Variants in SIX4 observed in about 807,000 individuals in gnomAD.
SIX4 encodes the protein SIX homeobox 4.
Under a neutral mutation model 51.5 loss-of-function variants are expected in SIX4, and 23 were observed. That is an observed-to-expected ratio of 0.45 (90% CI 0.32 to 0.63). SIX4 has a LOEUF of 0.63. Ranked by LOEUF, SIX4 falls within the 30% of genes least tolerant of loss-of-function variation. The pLI, the probability that SIX4 is intolerant of heterozygous loss-of-function variation, is 0.04. For missense variants in SIX4, 867 were observed against 984.0 expected, an observed-to-expected ratio of 0.88 and a Z score of 1.59; for synonymous variants, 413 against 417.3, an observed-to-expected ratio of 0.99 and a Z score of 0.13.
rs926349330 is a variant in SIX4 at position 60,722,085 on chromosome 14, C to T, written c.863+1127G>A. ...TCACCTGGCGCAGGCGGGCTGGATC[C>T]CCGGCTCCCAGTTTGCTTCCCCGAG... On this transcript the variant is annotated intron_variant, in intron 1 of 2. Coordinates refer to ENST00000216513, the MANE Select transcript of SIX4 (RefSeq NM_017420.5). The surrounding 1 kb of genome is among the most constrained non-coding windows in gnomAD (Gnocchi z 5.9). Among the ~76,000 whole-genome samples the T allele has an allele frequency of 1.3e-5, 2 of 152,154 alleles. No individual in the cohort carries two copies. The highest frequency in any genetic ancestry group is 6.5e-5 in the Admixed American group (1 of 15,288).
At position 60,722,950 on chromosome 14, in the gene SIX4, G is replaced by A. The variant is rs1896052294; in HGVS notation, c.863+262C>T. 1.8e-6 allele frequency: 1 copy of A among 552,408 alleles called. No individual in the cohort carries two copies. The allele number at this position is 552,408 out of a possible 1,614,324, so 34.2% of individuals were successfully genotyped here. On this transcript the variant is annotated intron_variant, in intron 1 of 2. Transcript: ENST00000216513. The surrounding 1 kb of genome is among the most constrained non-coding windows in gnomAD (Gnocchi z 5.9). ...GGCAGCAGTGACCAGCCGAGGTGGG[G>A]GCGGGGACTGAGACCTAGGCGGGCG...
rs1189644970 is a variant in SIX4, at chr14:60,709,542, GTATAAA to G, written c.*3859_*3864del. 5.9e-5 allele frequency: 9 copies of G among 152,654 alleles called. No individual in the cohort carries two copies. The highest frequency in any genetic ancestry group is 3.9e-4 in the East Asian group (2 of 5,190). The allele number at this position is 152,654 out of a possible 1,614,324, so 9.5% of individuals were successfully genotyped here. On this transcript the variant is annotated 3_prime_UTR_variant, in exon 3 of 3. Coordinates refer to ENST00000216513, the MANE Select transcript of SIX4 (RefSeq NM_017420.5). This position sits in a 1 kb window ranked among gnomAD's most constrained non-coding sequence, Gnocchi z 4.1. Reference sequence around the variant, plus strand: ...CCAAATAATTTTCAATGCAAGGTATGTATAAATATAAAGTTTATTTAGCATAGTGTT... The same window carrying G: ...CCAAATAATTTTCAATGCAAGGTATGTATAAAGTTTATTTAGCATAGTGTT...
In SIX4 at chr14:60,713,840, G is replaced by A; in HGVS notation, c.1913C>T (p.Ala638Val). ...CGGTGCAGACATTGGTTGGCTATCGGCAATGTCGCGGTTTAGCTCAGTGGG... is the reference window on the plus strand; with the variant it reads ...CGGTGCAGACATTGGTTGGCTATCGACAATGTCGCGGTTTAGCTCAGTGGG... ...LNPTELNRDI[A>V]DSQPMSAPVA... is the part of the protein sequence containing the mutation. Residue 638 changes from alanine to valine, a missense_variant, in exon 3 of 3, where the codon GCC becomes GTC. Ala to Val is a moderately conservative substitution (Grantham distance 64). Transcript: ENST00000216513. 6.2e-7 allele frequency: 1 copy of A among 1,614,164 alleles called. No homozygotes were observed.
Position 60,722,988 on chromosome 14 carries a change from T to C in SIX4, c.863+224A>G. 3 of 847,712 alleles carry C rather than the reference T, an allele frequency of 3.5e-6. No individual in the cohort carries two copies. Among genetic ancestry groups the C allele is most frequent in the South Asian group, 4.1e-5 (2 of 48,208 alleles). The allele number at this position is 847,712 out of a possible 1,614,324, so 52.5% of individuals were successfully genotyped here. A position where few individuals can be genotyped will look rare whatever the true frequency, so the allele number is the denominator to read the frequency against. ...ACCTAGGCGGGCGACCAGAAACTTC[T>C]GGGGGGAGAGGGGGAGGGTAAGGAG... On this transcript the variant is annotated intron_variant, in intron 1 of 2. Coordinates refer to ENST00000216513, the MANE Select transcript of SIX4 (RefSeq NM_017420.5). The surrounding 1 kb of genome is among the most constrained non-coding windows in gnomAD (Gnocchi z 5.9).
At position 60,720,942 on chromosome 14, in the gene SIX4, T is replaced by G; in HGVS notation, c.864-497A>C. ...GAGGTAGGAAGTGCTCAGCTTTTCT[T>G]TTTTGGTCAGTTAGTTAACAAGAGA... On this transcript the variant is annotated intron_variant, in intron 1 of 2. Transcript: ENST00000216513. The surrounding 1 kb of genome is among the most constrained non-coding windows in gnomAD (Gnocchi z 5.5). The G allele has an allele frequency of 1.0e-6, 1 of 987,674 alleles. No homozygotes were observed. Among genetic ancestry groups the G allele is most frequent in the South Asian group, 4.7e-5 (1 of 21,354 alleles). 61.2% of individuals were successfully genotyped at this position (987,674 alleles called of 1,614,324 possible).
At position 60,713,575 on chromosome 14, in the gene SIX4, T is replaced by C; in HGVS notation, c.2178A>G (p.Leu726=). Residue 726 remains leucine (L), a synonymous_variant, in exon 3 of 3, where the codon TTA becomes TTG. Transcript: ENST00000216513. ...QSVANMKENF[L]SNSESKATSS... is the part of the protein sequence containing the mutation. ...TTGTTGCTTTGCTCTCAGAATTTGA[T>C]AAGAAATTCTCTTTCATGTTAGCTA... 1 of 1,614,214 alleles carries C rather than the reference T, an allele frequency of 6.2e-7. No individual in the cohort carries two copies. Among genetic ancestry groups the C allele is most frequent in the African/African-American group, 1.3e-5 (1 of 75,066 alleles).
intron 1 of SIX4, 40 bp downstream of exon 1, chr14:60,723,172 G>A (rs1407987368): frequency 1.9e-6 from 3 of 1,543,350 alleles, no homozygotes; most frequent in Non-Finnish European, 2.6e-6. Context: ...GAAGGGGGTG[G>A]GGGAGAGGAA....
chr14:60,723,766 CTG>C lies in SIX4; in HGVS notation c.307_308del (p.Gln103AspfsTer186). ...RHHHAAAAAA[Q>X]TPLAFSPDHV... ...GGTCGGGCGAGAAGGCCAGCGGGGTCTGCGCGGCGGCGGCGGCGGCGTGGTGG... is the reference window on the plus strand; with the variant it reads ...GGTCGGGCGAGAAGGCCAGCGGGGTCCGCGGCGGCGGCGGCGGCGTGGTGG... On this transcript the variant is annotated frameshift_variant, in exon 1 of 3. Transcript: ENST00000216513. LOFTEE classifies it high-confidence loss of function. The C allele has an allele frequency of 1.3e-6, 2 of 1,539,558 alleles. No homozygotes were observed. The highest frequency in any genetic ancestry group is 2.7e-5 in the African/African-American group (2 of 72,934).
Position 60,710,747 on chromosome 14 carries a change from A to G in SIX4, c.*2660T>C, listed in dbSNP as rs958687168. 6.6e-6 allele frequency: 1 copy of G among 152,604 alleles called. No homozygotes were observed. The highest frequency in any genetic ancestry group is 1.5e-5 in the Non-Finnish European group (1 of 68,028). 9.5% of individuals were successfully genotyped at this position (152,604 alleles called of 1,614,324 possible). ...CCATTCACATATACATGGGCTGCAT[A>G]CCAACTGGCCCTTATTCAACTGAAA... On this transcript the variant is annotated 3_prime_UTR_variant, in exon 3 of 3. Coordinates refer to ENST00000216513, the MANE Select transcript of SIX4 (RefSeq NM_017420.5).
In SIX4 at chr14:60,720,737, T is replaced by A. The variant is rs896691385; in HGVS notation, c.864-292A>T. Among the ~76,000 whole-genome samples the A allele has an allele frequency of 6.6e-6, 1 of 152,142 alleles. No homozygotes were observed. The highest frequency in any genetic ancestry group is 2.4e-5 in the African/African-American group (1 of 41,426). On this transcript the variant is annotated intron_variant, in intron 1 of 2. Transcript: ENST00000216513. This position sits in a 1 kb window ranked among gnomAD's most constrained non-coding sequence, Gnocchi z 5.5. ...TTCAGCATTACAGGAGAAGAACATA[T>A]TTGATTTTACAGTGTAGAAGTGCTA... is the stretch of plus-strand genomic sequence containing the variant.
In SIX4 at chr14:60,710,016, A is replaced by T. The variant is rs951567463; in HGVS notation, c.*3391T>A. The T allele has an allele frequency of 2.6e-5, 4 of 152,688 alleles. No individual in the cohort carries two copies. Among genetic ancestry groups the T allele is most frequent in the Non-Finnish European group, 5.9e-5 (4 of 68,044 alleles). The allele number at this position is 152,688 out of a possible 1,614,324, so 9.5% of individuals were successfully genotyped here. On this transcript the variant is annotated 3_prime_UTR_variant, in exon 3 of 3. Coordinates refer to ENST00000216513, the MANE Select transcript of SIX4 (RefSeq NM_017420.5). ...ATCTAAGTTTTACAAAGAGTTTAAA[A>T]TATCTTTTGTGAAATGTAACTATTT...
chr14:60,713,506 A>G lies in SIX4; in HGVS notation c.2247T>C (p.Asp749=), dbSNP rs1324288589. ...MLDSKSKYVL[D]GMVDTVCEDL... ...CTTCACAGACAGTATCAACCATGCC[A>G]TCTAAGACATACTTGGATTTAGAGT... Residue 749 remains aspartate, a synonymous_variant, in exon 3 of 3, where the codon GAT becomes GAC. Coordinates refer to ENST00000216513, the MANE Select transcript of SIX4 (RefSeq NM_017420.5). 3 of 1,614,108 alleles carry G rather than the reference A, an allele frequency of 1.9e-6. No individual in the cohort carries two copies. Among genetic ancestry groups the G allele is most frequent in the African/African-American group, 2.7e-5 (2 of 74,928 alleles).
At position 60,713,739 on chromosome 14, in the gene SIX4, C is replaced by G. The variant is rs760067456; in HGVS notation, c.2014G>C (p.Gly672Arg). 4 of 1,614,148 alleles carry G rather than the reference C, an allele frequency of 2.5e-6. No individual in the cohort carries two copies. Among genetic ancestry groups the G allele is most frequent in the Non-Finnish European group, 2.5e-6 (3 of 1,180,032 alleles). ...ATLQNCSLIT[G>R]QDLLSVPMTQ... is the part of the protein sequence containing the mutation. ...ATAGGGACTGACAATAGGTCTTGAC[C>G]AGTAATAAGGGAGCAGTTCTGAAGA... The change falls in exon 3 of 3, where the codon GGT (glycine) becomes CGT (arginine). Residue 672 changes from glycine (G) to arginine (R), a missense_variant. Gly to Arg is a moderately radical substitution (Grantham distance 125). Coordinates refer to ENST00000216513, the MANE Select transcript of SIX4 (RefSeq NM_017420.5).
rs1895810594 is a variant in SIX4, at chr14:60,711,039, TA to T, written c.*2367del. ...TATATATATATATAGCATATATAAC[TA>T]AAAACCTCCCCATCTCTCTTGTTGG... On this transcript the variant is annotated 3_prime_UTR_variant, in exon 3 of 3. Transcript: ENST00000216513. 1 of 151,156 alleles carries T rather than the reference TA, an allele frequency of 6.6e-6. No homozygotes were observed. 9.4% of individuals were successfully genotyped at this position (151,156 alleles called of 1,614,324 possible).
rs1015067229 is a variant in SIX4, at chr14:60,718,297, G to A, written c.1549+1463C>T. On this transcript the variant is annotated intron_variant, in intron 2 of 2. Transcript: ENST00000216513. The stretch of plus-strand genomic sequence containing the variant: ...ACTGTCTGTTCAACTCACCCAGACA[G>A]TCTAAGATTTGATCTTACTTATTTT... Among the ~76,000 whole-genome samples the A allele has an allele frequency of 2.0e-5, 3 of 152,242 alleles. No homozygotes were observed. The South Asian group carries it at 6.2e-4, about 32-fold the overall frequency.
At position 60,720,615 on chromosome 14, in the gene SIX4, C is replaced by T. The variant is rs985976594; in HGVS notation, c.864-170G>A. On this transcript the variant is annotated intron_variant, in intron 1 of 2. Transcript: ENST00000216513. The surrounding 1 kb of genome is among the most constrained non-coding windows in gnomAD (Gnocchi z 5.5). The stretch of plus-strand genomic sequence containing the variant: ...AACTAAGAGGCCTTTCAGCAGATTC[C>T]GACCAGCCAGAGAATCTGGGAAGAT... Among the ~76,000 whole-genome samples the T allele has an allele frequency of 2.0e-5, 3 of 152,096 alleles. No homozygotes were observed. The highest frequency in any genetic ancestry group is 7.2e-5 in the African/African-American group (3 of 41,416).
Position 60,720,343 on chromosome 14 carries a change from G to T in SIX4, c.966C>A (p.Leu322=). The change falls in exon 2 of 3, where the codon CTC becomes CTA. Residue 322 remains leucine (L), a synonymous_variant. Transcript: ENST00000216513. The surrounding 1 kb of genome is among the most constrained non-coding windows in gnomAD (Gnocchi z 5.5). ...CTGGCTCCATATGACTGGAAAGGCT[G>T]AGGTTGGTGATGCCATCAGATGAAC... ...LSSSSDGITN[L]SLSSHMEPVY... 1 of 1,614,156 alleles carries T rather than the reference G, an allele frequency of 6.2e-7. No individual in the cohort carries two copies. Among genetic ancestry groups the T allele is most frequent in the Non-Finnish European group, 8.5e-7 (1 of 1,179,982 alleles).
rs571398214 is a variant in SIX4, at chr14:60,722,564, C to A, written c.863+648G>T. On this transcript the variant is annotated intron_variant, in intron 1 of 2. Coordinates refer to ENST00000216513, the MANE Select transcript of SIX4 (RefSeq NM_017420.5). This position sits in a 1 kb window ranked among gnomAD's most constrained non-coding sequence, Gnocchi z 5.9. The stretch of plus-strand genomic sequence containing the variant: ...CACCAGCACCCCACGTTGCCGCGGC[C>A]GCTAAGGGAACCATAGGGGCAGGGT... Among the ~76,000 whole-genome samples the A allele has an allele frequency of 5.9e-5, 9 of 152,196 alleles. No homozygotes were observed. Among genetic ancestry groups the A allele is most frequent in the African/African-American group, 1.4e-4 (6 of 41,456 alleles).
chr14:60,720,138 A>G lies in SIX4; in HGVS notation c.1171T>C (p.Leu391=), dbSNP rs546993918. The G allele has an allele frequency of 4.3e-6, 7 of 1,614,232 alleles. No individual in the cohort carries two copies. Among genetic ancestry groups the G allele is most frequent in the East Asian group, 2.2e-5 (1 of 44,886 alleles). The change falls in exon 2 of 3, where the codon TTG becomes CTG. Residue 391 remains leucine (L), a synonymous_variant. Coordinates refer to ENST00000216513, the MANE Select transcript of SIX4 (RefSeq NM_017420.5). The surrounding 1 kb of genome is among the most constrained non-coding windows in gnomAD (Gnocchi z 5.5). ...LNVGNTQAVA[L]NPPKMSSNIV... is the part of the protein sequence containing the mutation. ...TTTGATGACATTTTTGGTGGGTTCA[A>G]TGCCACTGCCTGTGTATTTCCCACA...
Sources: allele counts gnomAD v4.1 joint callset (sites outside exome capture counted in the v4.1 genomes callset), GRCh38; gene constraint gnomAD v4.1.1; non-coding constraint Gnocchi (gnomAD v3.1); transcripts MANE v1.5; gene names NCBI Gene and HGNC (gene_info 2026-07-23, HGNC 2026-07-21).